The following EPB41L5 variants were observed in gnomAD, a reference collection of about 807,000 sequenced individuals.
EPB41L5 encodes the protein erythrocyte membrane protein band 4.1 like 5, also known as band 4.1-like protein 5.
In EPB41L5, 55 loss-of-function variants were observed where a neutral mutation model predicts 106.6. The ratio of observed to expected loss-of-function variants is 0.52; its 90% CI spans 0.42 to 0.65. EPB41L5 has a LOEUF of 0.65. EPB41L5 is among the 30% of genes least tolerant of loss of function. The pLI is 0.00. For missense variants in EPB41L5, 871 were observed against 882.1 expected (o/e 0.99, Z 0.16); for synonymous variants, 297 against 306.7 (o/e 0.97, Z 0.33).
At chr2:120,114,827 CTGTT>C (rs1684877037) in intron 16 of EPB41L5, among the ~76,000 whole-genome samples, 2 of 152,094 alleles carry the variant, frequency 1.3e-5, no homozygotes, top group African/African-American at 2.4e-5. Context: ...TGTTCATCTT[CTGTT>C]TATTTATTGA....
rs373905034 is a variant in EPB41L5, at chr2:120,164,859, C to T, written c.1911C>T (p.Ala637=). ...AGGAAGCTACAGATGAATTGGATGC[C>T]TTGCTTGCATCTCTAACTGAGAATC... ...VLKEATDELD[A]LLASLTENLI... Residue 637 remains alanine, a synonymous_variant, in exon 22 of 25, where the codon GCC becomes GCT. Coordinates refer to ENST00000263713, the MANE Select transcript of EPB41L5 (RefSeq NM_020909.4). 2.5e-6 allele frequency: 4 copies of T among 1,612,382 alleles called. No individual in the cohort carries two copies. The South Asian group carries it at 4.4e-5, about 18-fold the overall frequency.
At chr2:120,141,705 A>G (rs1686181789) in intron 18 of EPB41L5, among the ~76,000 whole-genome samples, 1 of 152,062 alleles carries the variant, frequency 6.6e-6, no homozygotes, top group Non-Finnish European at 1.5e-5. Context: ...CTAAGTTACA[A>G]TTTGGGATTA....
chr2:120,056,417 G>A (rs186199957), intron 3 of EPB41L5, among the ~76,000 whole-genome samples: 32 of 151,962 alleles, frequency 2.1e-4, no homozygotes, highest in Middle Eastern at 3.4e-3. Context: ...TCCTGCCTCA[G>A]CCTCCCAAGG....
intron 3 of EPB41L5, among the ~76,000 whole-genome samples, chr2:120,060,223 C>T (rs150695210): frequency 6.6e-6 from 1 of 152,312 alleles, no homozygotes; most frequent in East Asian, 1.9e-4. Flanking sequence ...TAAAACTAAA[C>T]ATATACTTAA....
At chr2:120,016,676 T>A (rs1677549933) in intron 1 of EPB41L5, among the ~76,000 whole-genome samples, 1 of 152,182 alleles carries the variant, frequency 6.6e-6, no homozygotes, top group African/African-American at 2.4e-5. Flanking sequence ...CTTTTTTTGA[T>A]GTAGAGTCTC....
intron 1 of EPB41L5, among the ~76,000 whole-genome samples, chr2:120,018,162 T>A (rs1399269435): frequency 1.3e-5 from 2 of 151,474 alleles, no homozygotes; most frequent in Non-Finnish European, 2.9e-5. Context: ...AGAGACGGGG[T>A]TTCACCATGT....
At position 120,068,598 on chromosome 2, in the gene EPB41L5, G is replaced by C. The variant is rs79887806; in HGVS notation, c.286-4580G>C. ...TATAAACAAAGCCGCCAGGAAGTTC[G>C]GACTGGGCAGAGCCCATGTCATAAT... On this transcript the variant is annotated intron_variant, in intron 3 of 24. Coordinates refer to ENST00000263713, the MANE Select transcript of EPB41L5 (RefSeq NM_020909.4). Among the ~76,000 whole-genome samples the C allele has an allele frequency of 7.7e-3, 1,170 of 152,310 alleles. 12 individuals are homozygous for C. The highest frequency in any genetic ancestry group is 0.027 in the African/African-American group (1,110 of 41,570).
At chr2:120,171,729 C>T (rs762883094) in intron 24 of EPB41L5, among the ~76,000 whole-genome samples, 8 of 152,150 alleles carry the variant, frequency 5.3e-5, no homozygotes, top group Non-Finnish European at 1.0e-4. Flanking sequence ...AAATAATCAC[C>T]AGGGAGCCCA....
intron 11 of EPB41L5, 51 bp from the exon 12 acceptor site, chr2:120,090,296 A>T: frequency 6.9e-7 from 1 of 1,444,334 alleles, no homozygotes; most frequent in African/African-American, 1.4e-5. Context: ...AATAGGAGAT[A>T]GGACTGTTTG....
intron 2 of EPB41L5, among the ~76,000 whole-genome samples, chr2:120,033,589 C>G (rs1229239202): frequency 2.6e-5 from 4 of 151,684 alleles, no homozygotes; most frequent in Non-Finnish European, 5.9e-5. Flanking sequence ...CACCTGTAAT[C>G]CCAGCTACTT....
intron 3 of EPB41L5, among the ~76,000 whole-genome samples, chr2:120,070,491 A>T (rs560527699): frequency 8.5e-5 from 13 of 152,346 alleles, no homozygotes; most frequent in African/African-American, 2.9e-4. Flanking sequence ...TGAGGCCAGC[A>T]TCATCCTGTT....
At chr2:120,091,854 C>T (rs148518558) in intron 13 of EPB41L5, among the ~76,000 whole-genome samples, 193 bp downstream of exon 13, 1 of 152,176 alleles carries the variant, frequency 6.6e-6, no homozygotes, top group African/African-American at 2.4e-5. Flanking sequence ...AGAGATTAAA[C>T]TTTATGTTAA....
intron 4 of EPB41L5, 57 bp downstream of exon 4, chr2:120,073,277 T>C: frequency 7.4e-7 from 1 of 1,352,274 alleles, no homozygotes; most frequent in Non-Finnish European, 1.0e-6. Context: ...TATTAGAAAT[T>C]CTGATTTCTA....
At chr2:120,171,355 A>G (rs1327722335) in intron 24 of EPB41L5, among the ~76,000 whole-genome samples, 1 of 152,226 alleles carries the variant, frequency 6.6e-6, no homozygotes, top group Non-Finnish European at 1.5e-5. Flanking sequence ...AGCTGAGAAT[A>G]TGGGGATTGG....
intron 18 of EPB41L5, among the ~76,000 whole-genome samples, chr2:120,136,941 C>T (rs1032571539): frequency 1.3e-4 from 20 of 151,888 alleles, no homozygotes; most frequent in African/African-American, 4.8e-4. Flanking sequence ...GTCCTCAGCG[C>T]ACAGATTATT....
chr2:120,037,863 C>T (rs1222208127), intron 2 of EPB41L5, among the ~76,000 whole-genome samples: 11 of 152,136 alleles, frequency 7.2e-5, no homozygotes. Context: ...GAAGTCAGAC[C>T]TTTTCCTTAT....
At chr2:120,079,511 G>C (rs141522117) in intron 10 of EPB41L5, among the ~76,000 whole-genome samples, 69 of 152,164 alleles carry the variant, frequency 4.5e-4, no homozygotes, top group African/African-American at 1.5e-3. Context: ...CCCATCTGGT[G>C]GTAGCCTTGC....
chr2:120,147,331 A>G (rs1198472881), intron 20 of EPB41L5, among the ~76,000 whole-genome samples: 1 of 152,188 alleles, frequency 6.6e-6, no homozygotes, highest in Non-Finnish European at 1.5e-5. Flanking sequence ...TCTGAGTGAC[A>G]GAGTGAGACC....
At chr2:120,065,847 TAA>T (rs949768880) in intron 3 of EPB41L5, among the ~76,000 whole-genome samples, 1 of 152,196 alleles carries the variant, frequency 6.6e-6, no homozygotes, top group Non-Finnish European at 1.5e-5. Flanking sequence ...TTCTATTTTT[TAA>T]AAAATTGTTT....
Sources: gnomAD v4.1 joint callset for allele counts (sites outside exome capture counted in the v4.1 genomes callset) on GRCh38, gnomAD v4.1.1 for gene constraint, MANE v1.5 for transcripts, NCBI Gene and HGNC (gene_info 2026-07-23, HGNC 2026-07-21) for gene names.